The following ARNT2 variants were observed in gnomAD, a reference collection of about 807,000 sequenced individuals.
The protein encoded by ARNT2 is ARNT protein 2.
ARNT2 carries 36 observed loss-of-function variants against 91.7 expected under a neutral mutation model. The observed-to-expected ratio is 0.39, with a 90% CI of 0.30 to 0.52. The LOEUF (loss-of-function observed/expected upper bound fraction) is 0.52, where lower values mean the gene tolerates loss of function less well. ARNT2 is among the 20% of genes least tolerant of loss of function. The pLI is 0.72. For synonymous variants in ARNT2, 365 were observed against 347.1 expected (o/e 1.05, Z -0.57); for missense variants, 775 against 939.3 (o/e 0.83, Z 2.29).
At chr15:80,558,415 C>T (rs1186628757) in intron 11 of ARNT2, among the ~76,000 whole-genome samples, 1 of 149,264 alleles carries the variant, frequency 6.7e-6, no homozygotes, top group African/African-American at 2.5e-5. Flanking sequence ...TCTCGGCTCA[C>T]TGCAACCTCC....
chr15:80,582,182 T>C (rs1210707608), intron 17 of ARNT2, among the ~76,000 whole-genome samples: 1 of 152,154 alleles, frequency 6.6e-6, no homozygotes, highest in Admixed American at 6.5e-5. Context: ...GAACTGCTTG[T>C]CTGTCAGCCT....
At chr15:80,467,738 C>A (rs745971679) in intron 3 of ARNT2, among the ~76,000 whole-genome samples, 12 of 152,126 alleles carry the variant, frequency 7.9e-5, no homozygotes, top group Admixed American at 1.3e-4. Flanking sequence ...TGTAGGCTGG[C>A]GAGGCGGGGG....
At chr15:80,547,938 A>G (rs1217564717) in intron 8 of ARNT2, among the ~76,000 whole-genome samples, 1 of 152,224 alleles carries the variant, frequency 6.6e-6, no homozygotes, top group Non-Finnish European at 1.5e-5. Context: ...TAGACAAACT[A>G]GCCTATTTTA....
Position 80,470,437 on chromosome 15 carries a change from C to T in ARNT2, c.408+6C>T. 6.2e-7 allele frequency: 1 copy of T among 1,613,676 alleles called. No homozygotes were observed. Among genetic ancestry groups the T allele is most frequent in the Non-Finnish European group, 8.5e-7 (1 of 1,179,630 alleles). On this transcript the variant is annotated splice_donor_region_variant and intron_variant, in intron 4 of 18. Coordinates refer to ENST00000303329, the MANE Select transcript of ARNT2 (RefSeq NM_014862.4). ...CTTCCTTCCTCACAGAGCAGGTACC[C>T]TGGTCATCACATCACCATTGGAAAG...
At chr15:80,492,577 T>G (rs1257085198) in intron 5 of ARNT2, among the ~76,000 whole-genome samples, 1 of 152,200 alleles carries the variant, frequency 6.6e-6, no homozygotes, top group Non-Finnish European at 1.5e-5. Flanking sequence ...CTTCTCTGTC[T>G]CCTCTGTCAG....
At chr15:80,479,603 G>C (rs751011432) in intron 5 of ARNT2, among the ~76,000 whole-genome samples, 17 of 152,078 alleles carry the variant, frequency 1.1e-4, no homozygotes, top group Non-Finnish European at 2.2e-4. Flanking sequence ...AGTTTCTAAG[G>C]CTCCTTCCAG....
At chr15:80,465,817 G>T (rs181887886) in intron 3 of ARNT2, among the ~76,000 whole-genome samples, 1 of 152,306 alleles carries the variant, frequency 6.6e-6, no homozygotes, top group African/African-American at 2.4e-5. Context: ...GGGTTCCTGG[G>T]TATTTCCTGG....
chr15:80,581,391 G>A lies in ARNT2; in HGVS notation c.1905G>A (p.Arg635=). The A allele has an allele frequency of 6.2e-7, 1 of 1,614,144 alleles. No homozygotes were observed. Among genetic ancestry groups the A allele is most frequent in the Non-Finnish European group, 8.5e-7 (1 of 1,180,014 alleles). Residue 635 remains arginine, a synonymous_variant, in exon 17 of 19, where the codon AGG becomes AGA. Transcript: ENST00000303329. ...ATGCCTACTCCAGTCTTGCCAACAG[G>A]ACTCCAGGGTTCGGTAGGTGGGGAA... The part of the protein sequence containing the change: ...SGNAYSSLAN[R]TPGFAESGQS...
chr15:80,462,045 C>T (rs1286986928), intron 3 of ARNT2, among the ~76,000 whole-genome samples: 2 of 152,162 alleles, frequency 1.3e-5, no homozygotes, highest in Non-Finnish European at 2.9e-5. Flanking sequence ...CAGTCCCTCC[C>T]TGGTTCCTGT....
chr15:80,577,352 G>C (rs1210441860), intron 15 of ARNT2, among the ~76,000 whole-genome samples: 3 of 152,192 alleles, frequency 2.0e-5, no homozygotes, highest in Non-Finnish European at 4.4e-5. Context: ...AGGAAGACTG[G>C]TCAGCTCAGC....
intron 8 of ARNT2, among the ~76,000 whole-genome samples, chr15:80,548,364 A>G (rs1898023847): frequency 6.6e-6 from 1 of 152,204 alleles, no homozygotes; most frequent in Admixed American, 6.5e-5. Context: ...CATTTCCACT[A>G]AGATCAGAAA....
chr15:80,554,911 G>A, intron 10 of ARNT2, 154 bp from the exon 11 acceptor site: 1 of 665,058 alleles, frequency 1.5e-6, no homozygotes, highest in Non-Finnish European at 2.5e-6. Flanking sequence ...GGCTCCCAGG[G>A]AAATTTTGCA....
intron 5 of ARNT2, among the ~76,000 whole-genome samples, chr15:80,479,796 C>T (rs1404663167): frequency 6.6e-6 from 1 of 152,168 alleles, no homozygotes; most frequent in African/African-American, 2.4e-5. Flanking sequence ...TCATTTTGGT[C>T]TACCTGCCCT....
At chr15:80,458,525 G>A (rs1039781089) in intron 3 of ARNT2, among the ~76,000 whole-genome samples, 2 of 152,250 alleles carry the variant, frequency 1.3e-5, no homozygotes, top group Admixed American at 1.3e-4. Flanking sequence ...CCCTGGCCAC[G>A]TGACAGCATC....
At chr15:80,539,722 T>C (rs1184122820) in intron 8 of ARNT2, among the ~76,000 whole-genome samples, 2 of 151,988 alleles carry the variant, frequency 1.3e-5, no homozygotes, top group African/African-American at 2.4e-5. Context: ...TATTCAAAGA[T>C]TGAGTATGAA....
intron 1 of ARNT2, among the ~76,000 whole-genome samples, chr15:80,419,839 T>A (rs981782606): frequency 2.0e-5 from 3 of 152,234 alleles, no homozygotes; most frequent in Non-Finnish European, 1.5e-5. Flanking sequence ...TTCCTGTGCC[T>A]GGCAGCAGGT....
rs2141380602 is a variant in ARNT2 at position 80,450,985 on chromosome 15, G to A, written c.137G>A (p.Arg46Gln). 7 of 1,613,712 alleles carry A rather than the reference G, an allele frequency of 4.3e-6. No homozygotes were observed. Among genetic ancestry groups the A allele is most frequent in the South Asian group, 1.1e-5 (1 of 91,062 alleles). The change falls in exon 2 of 19, where the codon CGG becomes CAG. Residue 46 changes from arginine (R) to glutamine (Q), a missense_variant. By Grantham distance (43) the Arg-to-Gln change is conservative. Around this residue, in one of 5 missense-constraint regions of ARNT2, gnomAD observed 79 missense variants for 83.8 expected, o/e 0.94. Coordinates refer to ENST00000303329, the MANE Select transcript of ARNT2 (RefSeq NM_014862.4). ...AGAMPARGGK[R>Q]RSGMDFDDED... ...GCCATGCCTGCCCGTGGAGGAAAGC[G>A]GCGTTCCGGGTAAGCGACCTCAGCG...
chr15:80,577,052 G>C, intron 15 of ARNT2, 87 bp downstream of exon 15: 1 of 1,325,778 alleles, frequency 7.5e-7, no homozygotes, highest in Non-Finnish European at 1.1e-6. Context: ...TCTGTGGGCT[G>C]TAAGCATGAG....
Position 80,503,255 on chromosome 15 carries a change from A to G in ARNT2, c.623-4901A>G, listed in dbSNP as rs555479316. Among the ~76,000 whole-genome samples, 6 of 152,292 alleles carry G rather than the reference A, an allele frequency of 3.9e-5. No homozygotes were observed. In the East Asian group the frequency reaches 9.6e-4, roughly 24 times the overall value. On this transcript the variant is annotated intron_variant, in intron 5 of 18. Transcript: ENST00000303329. The stretch of plus-strand genomic sequence containing the variant: ...CCATTCCATGACACTGGGATTCACA[A>G]CCCAGTGCTGGGGCGATGGCCACTT...
Sources: gnomAD v4.1 joint callset for allele counts (sites outside exome capture counted in the v4.1 genomes callset) on GRCh38, gnomAD v4.1.1 for gene constraint, gnomAD v4.1.1 regional missense constraint, MANE v1.5 for transcripts, NCBI Gene and HGNC (gene_info 2026-07-23, HGNC 2026-07-21) for gene names.